The following DHX57 variants were observed in gnomAD, a reference collection of about 807,000 sequenced individuals.
The protein encoded by DHX57 is putative ATP-dependent RNA helicase DHX57.
Under a neutral mutation model 156.2 loss-of-function variants are expected in DHX57, and 105 were observed. That is an observed-to-expected ratio of 0.67 (90% CI 0.57 to 0.79). The LOEUF is 0.79. DHX57 is among the 30% of genes least tolerant of loss of function. The probability of loss-of-function intolerance (pLI) is 0.00; values close to 1 mark genes in which losing one functional copy is unlikely to be tolerated. For synonymous variants in DHX57, 704 were observed against 595.6 expected (o/e 1.18, Z -2.65); for missense variants, 1,847 against 1,661.9 (o/e 1.11, Z -1.94).
chr2:38,860,495 G>C (rs1212532601), intron 5 of DHX57, among the ~76,000 whole-genome samples: 1 of 152,020 alleles, frequency 6.6e-6, no homozygotes, highest in East Asian at 1.9e-4. Flanking sequence ...CCTAGATCTA[G>C]ACAAAGCTAG....
intron 1 of DHX57, among the ~76,000 whole-genome samples, chr2:38,868,961 C>T (rs180880972): frequency 6.6e-6 from 1 of 152,060 alleles, no homozygotes; most frequent in African/African-American, 2.4e-5. Flanking sequence ...GCCACCACGC[C>T]CAGCTAATAT....
At chr2:38,866,196 C>T (rs1558406812) in intron 2 of DHX57, among the ~76,000 whole-genome samples, 1 of 152,242 alleles carries the variant, frequency 6.6e-6, no homozygotes, top group Non-Finnish European at 1.5e-5. Flanking sequence ...CAAAGGCCTT[C>T]TGTCTTACTT....
intron 23 of DHX57, among the ~76,000 whole-genome samples, chr2:38,800,856 T>C (rs1669648024): frequency 6.6e-6 from 1 of 152,216 alleles, no homozygotes; most frequent in Admixed American, 6.5e-5. Flanking sequence ...GCTTATCTAA[T>C]GTCTATATGA....
chr2:38,869,598 G>A (rs1665260715), intron 1 of DHX57, among the ~76,000 whole-genome samples: 1 of 152,218 alleles, frequency 6.6e-6, no homozygotes, highest in South Asian at 2.1e-4. Flanking sequence ...ACCTAAAGCT[G>A]TACCTCCCAG....
chr2:38,811,269 C>T, intron 21 of DHX57: 1 of 516,162 alleles, frequency 1.9e-6, no homozygotes, highest in Admixed American at 2.3e-5. Context: ...ATCTGGGGGG[C>T]CAGCGAGTAG....
chr2:38,813,099 G>T (rs2148543164), intron 21 of DHX57, among the ~76,000 whole-genome samples: 1 of 152,108 alleles, frequency 6.6e-6, no homozygotes, highest in South Asian at 2.1e-4. Flanking sequence ...GCCCAACTCG[G>T]CTTCCCAAAG....
intron 13 of DHX57, among the ~76,000 whole-genome samples, chr2:38,830,262 A>T (rs1414019286): frequency 6.6e-6 from 1 of 152,302 alleles, no homozygotes; most frequent in South Asian, 2.1e-4. Context: ...ATAGCATTTT[A>T]AAAAATACCT....
At chr2:38,838,180 C>T (rs1000957385) in intron 12 of DHX57, among the ~76,000 whole-genome samples, 1 of 152,130 alleles carries the variant, frequency 6.6e-6, no homozygotes, top group Non-Finnish European at 1.5e-5. Context: ...CTCACTGCAG[C>T]CTCGACCTCC....
intron 5 of DHX57, among the ~76,000 whole-genome samples, chr2:38,859,344 C>T (rs1673065327): frequency 6.6e-6 from 1 of 152,046 alleles, no homozygotes; most frequent in Admixed American, 6.6e-5. Flanking sequence ...TAGAGATAGA[C>T]AGCAGATTTG....
chr2:38,864,344 G>A (rs570026947), intron 2 of DHX57, among the ~76,000 whole-genome samples: 9 of 149,546 alleles, frequency 6.0e-5, no homozygotes, highest in Admixed American at 1.3e-4. Flanking sequence ...CCAGGAGTTC[G>A]AGACCAGCCT....
At chr2:38,812,443 T>C (rs946640200) in intron 21 of DHX57, among the ~76,000 whole-genome samples, 1 of 152,192 alleles carries the variant, frequency 6.6e-6, no homozygotes, top group Non-Finnish European at 1.5e-5. Context: ...TTGTTAGGGA[T>C]GGATAATCAA....
intron 12 of DHX57, among the ~76,000 whole-genome samples, chr2:38,839,831 G>T (rs1205799298): frequency 1.3e-5 from 2 of 152,078 alleles, no homozygotes; most frequent in African/African-American, 2.4e-5. Context: ...GGTGTGGTTG[G>T]GTGAGAAAGG....
chr2:38,815,115 A>G (rs1203062091), intron 20 of DHX57, among the ~76,000 whole-genome samples: 2 of 150,988 alleles, frequency 1.3e-5, no homozygotes, highest in African/African-American at 2.4e-5. Context: ...TGCCCAGGCT[A>G]GAGTGCAGTG....
chr2:38,800,043 C>T (rs1218892340), intron 23 of DHX57, among the ~76,000 whole-genome samples: 4 of 151,436 alleles, frequency 2.6e-5, no homozygotes, highest in African/African-American at 9.7e-5. Flanking sequence ...CAAAATTAGC[C>T]GGGTGGTGGC....
rs1440862856 is a variant in DHX57, at chr2:38,848,972, A to T, written c.2031-570T>A. On this transcript the variant is annotated intron_variant, in intron 9 of 23. Coordinates refer to ENST00000457308, the MANE Select transcript of DHX57 (RefSeq NM_198963.3). Reference sequence around the variant, plus strand: ...AAAGAAACCAAATCCAGGCAGTACCAATCAAAATCCCAACAGGATTGATAA... The same window carrying T: ...AAAGAAACCAAATCCAGGCAGTACCTATCAAAATCCCAACAGGATTGATAA... Among the ~76,000 whole-genome samples the T allele has an allele frequency of 3.9e-5, 6 of 152,220 alleles. No individual in the cohort carries two copies. In the East Asian group the frequency reaches 1.2e-3, roughly 29 times the overall value.
Position 38,798,309 on chromosome 2 carries a change from G to A in DHX57, c.4151C>T (p.Thr1384Ile). The A allele has an allele frequency of 1.2e-6, 2 of 1,612,602 alleles. No individual in the cohort carries two copies. Among genetic ancestry groups the A allele is most frequent in the East Asian group, 2.2e-5 (1 of 44,862 alleles). Residue 1384 changes from threonine (T) to isoleucine (I), a missense_variant, in exon 24 of 24, where the codon ACC (threonine) becomes ATC (isoleucine). Transcript: ENST00000457308. ...RIISTIVKLV[T>I]TQ ...CTCTAAGACTGCTTTTTATTGTGTGGTGACAAGTTTCACAATTGTGCTGAT... is the reference window on the plus strand; with the variant it reads ...CTCTAAGACTGCTTTTTATTGTGTGATGACAAGTTTCACAATTGTGCTGAT...
chr2:38,855,088 A>C lies in DHX57; in HGVS notation c.1874T>G (p.Val625Gly). 6.2e-7 allele frequency: 1 copy of C among 1,614,144 alleles called. No homozygotes were observed. Among genetic ancestry groups the C allele is most frequent in the Non-Finnish European group, 8.5e-7 (1 of 1,180,026 alleles). ...KERAERVGLT[V>G]GYQIRLESVK... The stretch of plus-strand genomic sequence containing the variant: ...ACTTTCTAACCGAATCTGGTATCCC[A>C]CGGTCAGACCCACCCTCTCTGCTCT... The change falls in exon 8 of 24, where the codon GTG becomes GGG. Residue 625 changes from valine (V) to glycine (G), a missense_variant. Physicochemically the swap from Val to Gly is moderately radical, Grantham distance 109. Coordinates refer to ENST00000457308, the MANE Select transcript of DHX57 (RefSeq NM_198963.3).
intron 1 of DHX57, among the ~76,000 whole-genome samples, chr2:38,875,540 C>G (rs1265034056): frequency 6.6e-6 from 1 of 152,194 alleles, no homozygotes; most frequent in Non-Finnish European, 1.5e-5. Flanking sequence ...CCCCCCGGCC[C>G]CAACCTGCAG....
At chr2:38,863,985 C>T (rs12473836) in intron 2 of DHX57, among the ~76,000 whole-genome samples, 1 of 151,810 alleles carries the variant, frequency 6.6e-6, no homozygotes, top group Non-Finnish European at 1.5e-5. Flanking sequence ...GCACTACAGC[C>T]TGGGCAACAG....
Sources: gnomAD v4.1 joint callset for allele counts (sites outside exome capture counted in the v4.1 genomes callset) on GRCh38, gnomAD v4.1.1 for gene constraint, MANE v1.5 for transcripts, NCBI Gene and HGNC (gene_info 2026-07-23, HGNC 2026-07-21) for gene names.